The following GRIP1 variants were observed in gnomAD, a reference collection of about 807,000 sequenced individuals.
GRIP1 encodes the protein glutamate receptor-interacting protein 1.
Under a neutral mutation model 129.9 loss-of-function variants are expected in GRIP1, and 45 were observed. The ratio of observed to expected loss-of-function variants is 0.35; its 90% CI spans 0.27 to 0.44. GRIP1 has a LOEUF of 0.44. Among genes scored for constraint, GRIP1 ranks in the 20% least tolerant of loss-of-function variants. The pLI is 1.00. For missense variants in GRIP1, 1,196 were observed against 1,396.8 expected (o/e 0.86, Z 2.29); for synonymous variants, 530 against 520.8 (o/e 1.02, Z -0.24).
At chr12:66,545,146 T>C (rs1043474502) in intron 2 of GRIP1, among the ~76,000 whole-genome samples, 92 of 152,292 alleles carry the variant, frequency 6.0e-4, no homozygotes, top group African/African-American at 2.2e-3. Context: ...TTTGACTTTT[T>C]CCTTAATCAC....
chr12:66,400,713 C>T (rs563173650), intron 16 of GRIP1, among the ~76,000 whole-genome samples: 3 of 152,124 alleles, frequency 2.0e-5, no homozygotes, highest in East Asian at 1.9e-4. Flanking sequence ...CCAAACCAAG[C>T]GAGAAATCAT....
chr12:66,622,104 C>T (rs2065292701), intron 1 of GRIP1, among the ~76,000 whole-genome samples: 1 of 151,988 alleles, frequency 6.6e-6, no homozygotes, highest in African/African-American at 2.4e-5. Flanking sequence ...TGGAGAAGTC[C>T]AGTTTATCCT....
intron 1 of GRIP1, among the ~76,000 whole-genome samples, chr12:66,861,940 A>T (rs544402147): frequency 2.0e-5 from 3 of 152,234 alleles, no homozygotes; most frequent in African/African-American, 7.2e-5. Context: ...CTTGGAAATG[A>T]TTTAACAATT....
At chr12:66,886,557 C>T (rs1592929933) in intron 1 of GRIP1, among the ~76,000 whole-genome samples, 1 of 152,170 alleles carries the variant, frequency 6.6e-6, no homozygotes, top group South Asian at 2.1e-4. Context: ...CTCTCATATT[C>T]CCAAATGTAA....
chr12:66,692,615 A>G (rs1306260319), intron 1 of GRIP1, among the ~76,000 whole-genome samples: 1 of 152,242 alleles, frequency 6.6e-6, no homozygotes, highest in East Asian at 1.9e-4. Context: ...TGGATTTTAC[A>G]GAAGACCTGG....
intron 5 of GRIP1, among the ~76,000 whole-genome samples, chr12:66,527,839 G>A (rs990053516): frequency 6.6e-6 from 1 of 152,024 alleles, no homozygotes; most frequent in African/African-American, 2.4e-5. Flanking sequence ...GGAGGAGGAG[G>A]ATGAGGATTG....
chr12:66,599,731 G>A (rs1047500013), intron 1 of GRIP1, among the ~76,000 whole-genome samples: 24 of 152,210 alleles, frequency 1.6e-4, no homozygotes, highest in African/African-American at 3.9e-4. Context: ...CTTCTCTTGC[G>A]TCTCTAAATG....
intron 22 of GRIP1, chr12:66,372,378 AC>A (rs781643192): frequency 1.5e-4 from 39 of 251,668 alleles, no homozygotes; most frequent in Non-Finnish European, 2.9e-4. Flanking sequence ...TCTATCTCCA[AC>A]TGCAGTTAAC....
In GRIP1 at chr12:66,464,400, G is replaced by C. The variant is rs968160624; in HGVS notation, c.872+875C>G. ...GGCATTGAAGCGAATGATGTTTTAA[G>C]ACACCCTCGAAGGTTGTAAAATCCT... On this transcript the variant is annotated intron_variant, in intron 8 of 24. Coordinates refer to ENST00000359742, the MANE Select transcript of GRIP1 (RefSeq NM_001366722.1). 5.9e-5 allele frequency among the ~76,000 whole-genome samples: 9 copies of C among 152,140 alleles called. No homozygotes were observed. In the East Asian group the frequency reaches 1.7e-3, roughly 29 times the overall value.
intron 1 of GRIP1, among the ~76,000 whole-genome samples, chr12:66,830,901 C>T (rs1010911778): frequency 6.7e-6 from 1 of 149,996 alleles, no homozygotes; most frequent in Non-Finnish European, 1.5e-5. Context: ...GGTTGGAGTA[C>T]AGTGGCGTGA....
At chr12:66,655,417 C>A (rs896533491) in intron 1 of GRIP1, among the ~76,000 whole-genome samples, 10 of 152,100 alleles carry the variant, frequency 6.6e-5, no homozygotes, top group African/African-American at 2.2e-4. Context: ...CAGCCTCCCC[C>A]ACTATCAACA....
chr12:67,016,388 A>G (rs2042787629), intron 1 of GRIP1, among the ~76,000 whole-genome samples: 1 of 152,206 alleles, frequency 6.6e-6, no homozygotes, highest in African/African-American at 2.4e-5. Flanking sequence ...TTTATTTATA[A>G]GAATAAATAA....
At chr12:66,513,029 A>C (rs1438954287) in intron 7 of GRIP1, among the ~76,000 whole-genome samples, 1 of 152,162 alleles carries the variant, frequency 6.6e-6, no homozygotes, top group Non-Finnish European at 1.5e-5. Flanking sequence ...TTTTGGGTGT[A>C]ATATGAAGTA....
At chr12:66,947,816 A>G (rs1278692791) in intron 1 of GRIP1, among the ~76,000 whole-genome samples, 1 of 152,256 alleles carries the variant, frequency 6.6e-6, no homozygotes, top group Non-Finnish European at 1.5e-5. Context: ...ATAACCAAGT[A>G]CAAGACACAA....
intron 2 of GRIP1, among the ~76,000 whole-genome samples, chr12:66,593,030 CTT>C: frequency 6.6e-6 from 1 of 152,196 alleles, no homozygotes; most frequent in South Asian, 2.1e-4. Flanking sequence ...CTAATACAAA[CTT>C]AAACTTTGGT....
At chr12:66,497,933 C>T (rs992004844) in intron 7 of GRIP1, among the ~76,000 whole-genome samples, 1 of 152,104 alleles carries the variant, frequency 6.6e-6, no homozygotes. Context: ...TGTAAATGGC[C>T]GGTCCTTGCC....
intron 1 of GRIP1, among the ~76,000 whole-genome samples, chr12:66,726,990 T>C (rs548423870): frequency 3.0e-4 from 45 of 152,326 alleles, no homozygotes; most frequent in African/African-American, 1.1e-3. Context: ...ATTTATATTG[T>C]AGTAGTACAA....
intron 5 of GRIP1, among the ~76,000 whole-genome samples, chr12:66,519,733 T>C (rs781629805): frequency 2.0e-5 from 3 of 152,218 alleles, no homozygotes; most frequent in Non-Finnish European, 2.9e-5. Flanking sequence ...TCAACTGGGA[T>C]GCTTTTTGAA....
chr12:66,953,235 G>A (rs765197189), intron 1 of GRIP1, among the ~76,000 whole-genome samples: 23 of 152,130 alleles, frequency 1.5e-4, no homozygotes, highest in Non-Finnish European at 2.5e-4. Flanking sequence ...ATACAACCCA[G>A]GTGAGACAAA....
Sources: gnomAD v4.1 joint callset for allele counts (sites outside exome capture counted in the v4.1 genomes callset) on GRCh38, gnomAD v4.1.1 for gene constraint, MANE v1.5 for transcripts, NCBI Gene and HGNC (gene_info 2026-07-23, HGNC 2026-07-21) for gene names.